MAP3K13: variants seen among roughly 807,000 people sequenced by gnomAD.
MAP3K13 encodes mitogen-activated protein kinase kinase kinase 13.
Under a neutral mutation model 104.0 loss-of-function variants are expected in MAP3K13, and 52 were observed. That is an observed-to-expected ratio of 0.50 (90% CI 0.40 to 0.63). The LOEUF is 0.63. Ranked by LOEUF, MAP3K13 falls within the 20% of genes least tolerant of loss-of-function variation. The probability of loss-of-function intolerance (pLI) is 0.00; values close to 1 mark genes in which losing one functional copy is unlikely to be tolerated. For missense variants in MAP3K13, 914 were observed against 1,218.5 expected (o/e 0.75, Z 3.72); for synonymous variants, 394 against 442.2 (o/e 0.89, Z 1.37).
intron 2 of MAP3K13, among the ~76,000 whole-genome samples, chr3:185,436,750 C>G (rs1432461819): frequency 6.6e-6 from 1 of 151,980 alleles, no homozygotes; most frequent in East Asian, 1.9e-4. Context: ...CACCTGTAAT[C>G]CCAACACTTT....
At chr3:185,320,825 C>T (rs1721827943) in intron 2 of MAP3K13, among the ~76,000 whole-genome samples, 1 of 8,922 alleles carries the variant, frequency 1.1e-4, no homozygotes, top group African/African-American at 2.0e-4. Context: ...AGAGATTAAA[C>T]TGCAATTTAA....
intron 2 of MAP3K13, among the ~76,000 whole-genome samples, chr3:185,319,893 G>A (rs1721798208): frequency 6.6e-6 from 1 of 152,128 alleles, no homozygotes; most frequent in Non-Finnish European, 1.5e-5. Context: ...ATGTTAAAAA[G>A]TGACAACATG....
chr3:185,398,245 G>C (rs1227234628), intron 1 of MAP3K13, among the ~76,000 whole-genome samples: 1 of 152,142 alleles, frequency 6.6e-6, no homozygotes, highest in African/African-American at 2.4e-5. Context: ...CTTTGCATCT[G>C]TGAGCCAGTA....
intron 2 of MAP3K13, among the ~76,000 whole-genome samples, chr3:185,436,052 A>G (rs1054058520): frequency 6.6e-5 from 10 of 152,194 alleles, no homozygotes; most frequent in Admixed American, 1.3e-4. Flanking sequence ...CTTACCTGTG[A>G]TAATACTCTG....
At chr3:185,446,325 C>T (rs1440942041) in intron 4 of MAP3K13, among the ~76,000 whole-genome samples, 1 of 151,618 alleles carries the variant, frequency 6.6e-6, no homozygotes, top group African/African-American at 2.4e-5. Context: ...GCACAATCTC[C>T]ACTCACTGCA....
At chr3:185,323,105 G>GA (rs1205553062) in intron 2 of MAP3K13, among the ~76,000 whole-genome samples, 25 of 152,206 alleles carry the variant, frequency 1.6e-4, no homozygotes, top group African/African-American at 6.0e-4. Context: ...GAGATGTATA[G>GA]AAAATCTGCT....
At chr3:185,350,627 T>G (rs1205394402) in intron 2 of MAP3K13, among the ~76,000 whole-genome samples, 1 of 152,196 alleles carries the variant, frequency 6.6e-6, no homozygotes, top group Non-Finnish European at 1.5e-5. Context: ...TATGTTACAT[T>G]TCAGATACTT....
rs1457154277 is a variant in MAP3K13 at position 185,484,826 on chromosome 3, GGT to G, written c.*2374_*2375del. On this transcript the variant is annotated 3_prime_UTR_variant, in exon 14 of 14. Transcript: ENST00000265026. ...CATTCTCATTTTCTGTCGATCAGAAGGTGTGATTTATGATGTGGCACAATGGT... is the reference window on the plus strand; with the variant it reads ...CATTCTCATTTTCTGTCGATCAGAAGGTGATTTATGATGTGGCACAATGGT... The G allele has an allele frequency of 6.6e-6, 1 of 152,076 alleles. No homozygotes were observed. The highest frequency in any genetic ancestry group is 2.4e-5 in the African/African-American group (1 of 41,396). The allele number at this position is 152,076 out of a possible 1,614,324, so 9.4% of individuals were successfully genotyped here.
chr3:185,365,379 T>A (rs577561858), intron 1 of MAP3K13, among the ~76,000 whole-genome samples: 1 of 152,312 alleles, frequency 6.6e-6, no homozygotes, highest in South Asian at 2.1e-4. Context: ...ACAAAGTCAG[T>A]CAAACCAGAG....
upstream of MAP3K13, among the ~76,000 whole-genome samples, chr3:185,362,464 C>T (rs531043423): frequency 6.6e-6 from 1 of 152,288 alleles, no homozygotes; most frequent in South Asian, 2.1e-4. Flanking sequence ...AATGAGGAAA[C>T]ACTGTACCCT....
At chr3:185,397,122 A>G (rs1712473300) in intron 1 of MAP3K13, among the ~76,000 whole-genome samples, 1 of 152,192 alleles carries the variant, frequency 6.6e-6, no homozygotes, top group Non-Finnish European at 1.5e-5. Context: ...CATTCGGTTC[A>G]ATCCTCTTTC....
chr3:185,398,602 G>A lies in MAP3K13; in HGVS notation c.-85-29895G>A, dbSNP rs117231923. Among the ~76,000 whole-genome samples, 13 of 152,300 alleles carry A rather than the reference G, an allele frequency of 8.5e-5. No individual in the cohort carries two copies. The East Asian group carries it at 2.5e-3, about 29-fold the overall frequency. ...TTCTTTTTAAAAAATTATTTAGTAT[G>A]TCAGGCATACCAAAAGATAAGGAAG... On this transcript the variant is annotated intron_variant, in intron 1 of 13. Coordinates refer to ENST00000265026, the MANE Select transcript of MAP3K13 (RefSeq NM_004721.5).
intron 3 of MAP3K13, among the ~76,000 whole-genome samples, chr3:185,438,706 A>C (rs965304261): frequency 6.6e-6 from 1 of 152,212 alleles, no homozygotes; most frequent in African/African-American, 2.4e-5. Flanking sequence ...AATAGATATT[A>C]TCTCTTCTGC....
intron 1 of MAP3K13, among the ~76,000 whole-genome samples, chr3:185,396,035 T>C (rs557518587): frequency 6.6e-6 from 1 of 151,714 alleles, no homozygotes; most frequent in Non-Finnish European, 1.5e-5. Context: ...GTTTCCTTTT[T>C]TGGCCATTTT....
At chr3:185,336,674 C>T (rs1160394419) in intron 2 of MAP3K13, among the ~76,000 whole-genome samples, 7 of 150,802 alleles carry the variant, frequency 4.6e-5, no homozygotes, top group African/African-American at 1.7e-4. Context: ...GAAATGTCAT[C>T]AATGTCATCT....
intron 1 of MAP3K13, among the ~76,000 whole-genome samples, chr3:185,392,945 G>A (rs576411778): frequency 1.5e-4 from 23 of 151,998 alleles, no homozygotes; most frequent in Admixed American, 7.2e-4. Flanking sequence ...CTAGCTACTC[G>A]GGAGGCTGAG....
At chr3:185,360,352 T>A (rs1028899159), upstream of MAP3K13, among the ~76,000 whole-genome samples, 3 of 152,234 alleles carry the variant, frequency 2.0e-5, no homozygotes, top group Admixed American at 1.3e-4. Flanking sequence ...ATCTATGGAA[T>A]GCTCCATAAT....
chr3:185,460,100 A>C (rs1159965487), intron 7 of MAP3K13, among the ~76,000 whole-genome samples: 1 of 152,114 alleles, frequency 6.6e-6, no homozygotes, highest in African/African-American at 2.4e-5. Flanking sequence ...CATTTTGTTT[A>C]TCCGTTTATC....
At position 185,316,156 on chromosome 3, in the gene MAP3K13, TAAAAG is replaced by T. The variant is rs1161533748; in HGVS notation, c.-86+30516_-86+30520del. Among the ~76,000 whole-genome samples the T allele has an allele frequency of 2.0e-5, 3 of 152,112 alleles. No homozygotes were observed. In the East Asian group the frequency reaches 5.8e-4, roughly 29 times the overall value. On this transcript the variant is annotated intron_variant, in intron 2 of 14. Coordinates refer to the MAP3K13 transcript ENST00000424227. The stretch of plus-strand genomic sequence containing the variant: ...TATTTGAGCTAAAATATGTAAAAAA[TAAAAG>T]AAGAGATGTTCTTGAAATTCCACTC...
Sources: gnomAD v4.1 joint callset for allele counts (sites outside exome capture counted in the v4.1 genomes callset) on GRCh38, gnomAD v4.1.1 for gene constraint, MANE v1.5 for transcripts, NCBI Gene and HGNC (gene_info 2026-07-23, HGNC 2026-07-21) for gene names.